Variants in FARS2 observed in about 807,000 individuals in gnomAD.
FARS2 encodes phenylalanyl-tRNA synthetase 2, mitochondrial.
A neutral mutation model predicts 46.4 loss-of-function variants in FARS2; 40 were observed. The observed-to-expected ratio is 0.86, with a 90% confidence interval of 0.67 to 1.12. FARS2 has a LOEUF of 1.12. Ranked by LOEUF, FARS2 falls within the 50% of genes most tolerant of loss-of-function variation. The pLI, the probability that FARS2 is intolerant of heterozygous loss-of-function variation, is 0.00. For synonymous variants in FARS2, 234 were observed against 214.9 expected (o/e 1.09, Z -0.78); for missense variants, 513 against 567.9 (o/e 0.90, Z 0.98).
intron 6 of FARS2, chr6:5,695,223 G>A (rs895082458): frequency 6.6e-5 from 10 of 152,212 alleles, no homozygotes; most frequent in African/African-American, 9.7e-5. Flanking sequence ...CAGAATGATC[G>A]AAACATCTCT....
intron 6 of FARS2, among the ~76,000 whole-genome samples, chr6:5,720,563 C>G (rs1561820062): frequency 6.6e-6 from 1 of 152,172 alleles, no homozygotes; most frequent in African/African-American, 2.4e-5. Context: ...GGCTCTAGAG[C>G]AGCATTCTCA....
chr6:5,700,123 T>A (rs910368446), intron 6 of FARS2, among the ~76,000 whole-genome samples: 1 of 152,236 alleles, frequency 6.6e-6, no homozygotes, highest in African/African-American at 2.4e-5. Context: ...CTAGGATGAC[T>A]GCATCTAAAT....
rs111657002 is a variant in FARS2, at chr6:5,766,613, A to G, written c.1218-4678A>G. 3.9e-5 allele frequency among the ~76,000 whole-genome samples: 6 copies of G among 152,380 alleles called. 2 individuals are homozygous for G. The highest frequency in any genetic ancestry group is 1.4e-4 in the African/African-American group (6 of 41,598). On this transcript the variant is annotated intron_variant, in intron 6 of 6. Coordinates refer to ENST00000274680, the MANE Select transcript of FARS2 (RefSeq NM_006567.5). ...ACATTGGGATTAAAGGAAGAGGGTG[A>G]CAGTTAATAGCTGGGCTCTGAAACC... is the stretch of plus-strand genomic sequence containing the variant.
intron 1 of FARS2, among the ~76,000 whole-genome samples, chr6:5,303,149 G>A (rs568081737): frequency 2.6e-5 from 4 of 152,278 alleles, no homozygotes; most frequent in East Asian, 1.9e-4. Context: ...AGTCAGTGCC[G>A]TCTGATTTCA....
At chr6:5,274,082 G>T (rs924901577) in intron 1 of FARS2, among the ~76,000 whole-genome samples, 1 of 152,162 alleles carries the variant, frequency 6.6e-6, no homozygotes, top group South Asian at 2.1e-4. Flanking sequence ...AGTACTTAGG[G>T]TTTCGTACGC....
At chr6:5,370,464 G>A (rs1441543742) in intron 2 of FARS2, among the ~76,000 whole-genome samples, 2 of 152,130 alleles carry the variant, frequency 1.3e-5, no homozygotes, top group Non-Finnish European at 2.9e-5. Flanking sequence ...AATATGAGAT[G>A]AATAAAGACA....
Position 5,306,625 on chromosome 6 carries a change from T to C in FARS2, c.-22+44965T>C, listed in dbSNP as rs576484838. 3.9e-5 allele frequency among the ~76,000 whole-genome samples: 6 copies of C among 152,350 alleles called. No individual in the cohort carries two copies. In the East Asian group the frequency reaches 1.2e-3, roughly 29 times the overall value. On this transcript the variant is annotated intron_variant, in intron 1 of 6. Coordinates refer to ENST00000274680, the MANE Select transcript of FARS2 (RefSeq NM_006567.5). ...ATTTTATGCACGCTGCTGGAGTGTTTAAGCCCCTTCACATTCCCAGTGTGT... is the reference window on the plus strand; with the variant it reads ...ATTTTATGCACGCTGCTGGAGTGTTCAAGCCCCTTCACATTCCCAGTGTGT...
intron 2 of FARS2, among the ~76,000 whole-genome samples, chr6:5,393,693 A>G (rs1347830650): frequency 6.6e-6 from 1 of 152,150 alleles, no homozygotes; most frequent in East Asian, 1.9e-4. Context: ...TTTTAAAATT[A>G]TAATACAGTT....
intron 4 of FARS2, among the ~76,000 whole-genome samples, chr6:5,450,599 T>G (rs2150263923): frequency 6.6e-6 from 1 of 152,182 alleles, no homozygotes; most frequent in Non-Finnish European, 1.5e-5. Context: ...TCTTTTGATG[T>G]TTTTCAACCA....
intron 6 of FARS2, among the ~76,000 whole-genome samples, chr6:5,749,475 T>C (rs1280408601): frequency 1.3e-5 from 2 of 152,150 alleles, no homozygotes; most frequent in African/African-American, 4.8e-5. Context: ...GCCAGGGGCT[T>C]CTGTGTCACC....
chr6:5,457,212 T>A (rs1283707651), intron 4 of FARS2, among the ~76,000 whole-genome samples: 7 of 152,166 alleles, frequency 4.6e-5, no homozygotes, highest in African/African-American at 1.7e-4. Context: ...AGAAGCTGAC[T>A]CACTATCTCT....
intron 4 of FARS2, among the ~76,000 whole-genome samples, chr6:5,432,527 A>ATTTT (rs70975907): frequency 2.0e-5 from 1 of 49,372 alleles, no homozygotes; most frequent in Non-Finnish European, 4.1e-5. Flanking sequence ...ATATATATAT[A>ATTTT]TTTTTTTTTT....
intron 1 of FARS2, among the ~76,000 whole-genome samples, chr6:5,286,685 C>A (rs1358883830): frequency 2.6e-5 from 4 of 151,908 alleles, no homozygotes; most frequent in African/African-American, 9.7e-5. Flanking sequence ...ATATTCAATG[C>A]GATTTATAAA....
chr6:5,316,330 T>C (rs1769516025), intron 1 of FARS2, among the ~76,000 whole-genome samples: 1 of 152,206 alleles, frequency 6.6e-6, no homozygotes, highest in Non-Finnish European at 1.5e-5. Context: ...TTGTGAACAT[T>C]GTAAATGTGG....
chr6:5,321,020 T>G (rs1769931582), intron 1 of FARS2, among the ~76,000 whole-genome samples: 1 of 152,204 alleles, frequency 6.6e-6, no homozygotes, highest in Admixed American at 6.5e-5. Flanking sequence ...TTACATAAGA[T>G]TCATCTCTCA....
At position 5,401,622 on chromosome 6, in the gene FARS2, A is replaced by G. The variant is rs148607361; in HGVS notation, c.613-2920A>G. 3.9e-3 allele frequency among the ~76,000 whole-genome samples: 595 copies of G among 152,050 alleles called. 4 individuals are homozygous for G. Among genetic ancestry groups the G allele is most frequent in the African/African-American group, 0.013 (541 of 41,410 alleles). ...GTTATTTATTACTTGAACAAGGCTC[A>G]TGCTTTGGTAAATTCTTCAGAAAGA... is the stretch of plus-strand genomic sequence containing the variant. On this transcript the variant is annotated intron_variant, in intron 2 of 6. Coordinates refer to ENST00000274680, the MANE Select transcript of FARS2 (RefSeq NM_006567.5).
intron 6 of FARS2, among the ~76,000 whole-genome samples, chr6:5,639,148 ATAACCC>A (rs1368951852): frequency 1.3e-5 from 2 of 152,248 alleles, no homozygotes; most frequent in Non-Finnish European, 2.9e-5. Context: ...CACTGATGTA[ATAACCC>A]TACCTTAAAA....
intron 1 of FARS2, among the ~76,000 whole-genome samples, chr6:5,270,562 C>T (rs1262791386): frequency 6.6e-6 from 1 of 152,152 alleles, no homozygotes; most frequent in Non-Finnish European, 1.5e-5. Context: ...TTTCTGTTGT[C>T]TTGAAAGCTA....
chr6:5,763,867 C>G (rs1450047326), intron 6 of FARS2, among the ~76,000 whole-genome samples: 1 of 151,248 alleles, frequency 6.6e-6, no homozygotes, highest in Non-Finnish European at 1.5e-5. Context: ...CTGACTTCCA[C>G]TCCTCACTTC....
Sources: gnomAD v4.1 joint callset for allele counts (sites outside exome capture counted in the v4.1 genomes callset) on GRCh38, gnomAD v4.1.1 for gene constraint, MANE v1.5 for transcripts, NCBI Gene and HGNC (gene_info 2026-07-23, HGNC 2026-07-21) for gene names.